Variants in ZNF560 observed in about 807,000 individuals in gnomAD.
ZNF560 encodes zinc finger protein 560.
In ZNF560, 54 loss-of-function variants were observed where a neutral mutation model predicts 81.8. The ratio of observed to expected loss-of-function variants is 0.66; its 90% CI spans 0.53 to 0.83. ZNF560 has a LOEUF of 0.83. Among genes scored for constraint, ZNF560 ranks in the 40% least tolerant of loss-of-function variants. The probability of loss-of-function intolerance (pLI) is 0.00; values close to 1 mark genes in which losing one functional copy is unlikely to be tolerated. For missense variants in ZNF560, 940 were observed against 932.4 expected, an observed-to-expected ratio of 1.01 and a Z score of -0.11; for synonymous variants, 321 against 317.9, an observed-to-expected ratio of 1.01 and a Z score of -0.10.
At chr19:9,495,750 C>G (rs2073548023) in intron 2 of ZNF560, among the ~76,000 whole-genome samples, 1 of 152,096 alleles carries the variant, frequency 6.6e-6, no homozygotes, top group Non-Finnish European at 1.5e-5. Context: ...AGAAAGAACA[C>G]TATACTTCTG....
chr19:9,464,734 G>C (rs892273088), downstream of ZNF560, among the ~76,000 whole-genome samples: 1 of 152,158 alleles, frequency 6.6e-6, no homozygotes, highest in Non-Finnish European at 1.5e-5. Context: ...TTGTAACCCA[G>C]AGGATGTATA....
intron 5 of ZNF560, 152 bp downstream of exon 5, chr19:9,473,027 A>G (rs1183876552): frequency 1.5e-6 from 1 of 662,562 alleles, no homozygotes; most frequent in African/African-American, 1.8e-5. Flanking sequence ...CTTTCTGTAG[A>G]GCCTGCAGAA....
At chr19:9,489,712 T>C (rs1316762270) in intron 2 of ZNF560, among the ~76,000 whole-genome samples, 1 of 151,998 alleles carries the variant, frequency 6.6e-6, no homozygotes, top group Non-Finnish European at 1.5e-5. Context: ...GCCTCAGCCT[T>C]CTGAGTAGCT....
chr19:9,502,205 C>CGGTTTGGTTT (rs202091939), upstream of ZNF560, among the ~76,000 whole-genome samples: 12 of 151,412 alleles, frequency 7.9e-5, no homozygotes, highest in African/African-American at 2.2e-4. Context: ...TGTTTTGTTT[C>CGGTTTGGTTT]GGTTTGGTTT....
the ZNF560 span, among the ~76,000 whole-genome samples, chr19:9,461,198 G>A: frequency 5.3e-5 from 8 of 152,192 alleles, no homozygotes; most frequent in African/African-American, 1.9e-4. Context: ...AATACAATTT[G>A]GATACAAAGT....
At chr19:9,505,425 C>A in the ZNF560 span, among the ~76,000 whole-genome samples, 7 of 152,190 alleles carry the variant, frequency 4.6e-5, no homozygotes, top group Admixed American at 2.0e-4. Flanking sequence ...AAGTGAATTT[C>A]TTGTAGACAG....
intron 5 of ZNF560, 25 bp downstream of exon 5, chr19:9,473,154 A>G (rs539168968): frequency 2.5e-6 from 4 of 1,599,502 alleles, no homozygotes; most frequent in South Asian, 1.1e-5. Context: ...CTCACTGACC[A>G]AGGTTGTTCT....
intron 2 of ZNF560, among the ~76,000 whole-genome samples, chr19:9,489,191 C>T (rs1050559132): frequency 6.6e-5 from 10 of 152,282 alleles, no homozygotes; most frequent in Non-Finnish European, 1.0e-4. Flanking sequence ...TCACTTCACA[C>T]TTGGAGGTTT....
the ZNF560 span, among the ~76,000 whole-genome samples, chr19:9,453,038 GT>G: frequency 6.6e-6 from 1 of 152,204 alleles, no homozygotes; most frequent in Non-Finnish European, 1.5e-5. Context: ...CTCCTAAGGT[GT>G]TTATATTTGA....
At chr19:9,501,327 TTGTGTGTGTGTGTGTGTGTG>T (rs71185606), upstream of ZNF560, among the ~76,000 whole-genome samples, 108 of 109,022 alleles carry the variant, frequency 9.9e-4, no homozygotes, top group African/African-American at 2.9e-3. Flanking sequence ...CCTGGCTACT[TTGTGTGTGTGTGTGTGTGTG>T]TGTGTGTGTG....
chr19:9,500,457 T>A (rs1443822220), upstream of ZNF560, among the ~76,000 whole-genome samples: 1 of 150,198 alleles, frequency 6.7e-6, no homozygotes, highest in East Asian at 2.0e-4. Flanking sequence ...AAATCAGACA[T>A]CTTTCTCTCC....
At chr19:9,495,478 G>A (rs1480936076) in intron 2 of ZNF560, among the ~76,000 whole-genome samples, 1 of 152,176 alleles carries the variant, frequency 6.6e-6, no homozygotes, top group East Asian at 1.9e-4. Context: ...GGCCAAGGTG[G>A]GCCAATCACT....
the ZNF560 span, among the ~76,000 whole-genome samples, chr19:9,447,198 G>C: frequency 6.6e-6 from 1 of 150,440 alleles, no homozygotes; most frequent in Non-Finnish European, 1.5e-5. Context: ...AAGCTGTAAG[G>C]AATTCTACAG....
upstream of ZNF560, among the ~76,000 whole-genome samples, chr19:9,500,880 T>G (rs1356455364): frequency 6.6e-6 from 1 of 152,160 alleles, no homozygotes; most frequent in East Asian, 1.9e-4. Context: ...TGGCCAGTTT[T>G]CTTAATTTTT....
chr19:9,470,304 G>C (rs1599652084), intron 7 of ZNF560, 88 bp downstream of exon 7: 1 of 1,507,120 alleles, frequency 6.6e-7, no homozygotes, highest in East Asian at 2.3e-5. Flanking sequence ...ACTGTATTCA[G>C]ATTTGACATC....
chr19:9,504,087 T>C, the ZNF560 span, among the ~76,000 whole-genome samples: 2 of 152,210 alleles, frequency 1.3e-5, no homozygotes, highest in Non-Finnish European at 2.9e-5. Flanking sequence ...GATTTCTAGC[T>C]TAATTCTGTT....
chr19:9,463,756 C>T (rs896054950), downstream of ZNF560, among the ~76,000 whole-genome samples: 3 of 152,216 alleles, frequency 2.0e-5, no homozygotes, highest in African/African-American at 7.2e-5. Context: ...GATCTGAGCT[C>T]ACTGCAGCCA....
intron 2 of ZNF560, among the ~76,000 whole-genome samples, chr19:9,493,621 G>T (rs1024096023): frequency 1.2e-4 from 18 of 152,176 alleles, no homozygotes; most frequent in Middle Eastern, 6.8e-3. Context: ...CTCCCAAAGT[G>T]CCGGGATTAC....
Position 9,467,817 on chromosome 19 carries a change from T to C in ZNF560, c.1130A>G (p.Lys377Arg), listed in dbSNP as rs2073053673. ...MQTHIGIKPYKCKHCGKTFTV... is the reference protein window; with the variant it reads ...MQTHIGIKPYRCKHCGKTFTV... ...GAAGGTTTTGCCACAGTGCTTACATTTATAAGGTTTTATCCCAATGTGGGT... is the reference window on the plus strand; with the variant it reads ...GAAGGTTTTGCCACAGTGCTTACATCTATAAGGTTTTATCCCAATGTGGGT... Residue 377 changes from lysine to arginine, a missense_variant, in exon 10 of 10, where the codon AAA (lysine) becomes AGA (arginine). Coordinates refer to ENST00000301480, the MANE Select transcript of ZNF560 (RefSeq NM_152476.3). 1.9e-6 allele frequency: 3 copies of C among 1,614,060 alleles called. No individual in the cohort carries two copies. Among genetic ancestry groups the C allele is most frequent in the Admixed American group, 1.7e-5 (1 of 60,002 alleles).
Sources: gnomAD v4.1 joint callset for allele counts (sites outside exome capture counted in the v4.1 genomes callset) on GRCh38, gnomAD v4.1.1 for gene constraint, MANE v1.5 for transcripts, NCBI Gene and HGNC (gene_info 2026-07-23, HGNC 2026-07-21) for gene names.